SATL1: variants seen among roughly 807,000 people sequenced by gnomAD.
SATL1 encodes spermidine/spermine N1-acetyl transferase like 1.
SATL1 carries 47 observed loss-of-function variants against 51.8 expected under a neutral mutation model. The ratio of observed to expected loss-of-function variants is 0.91; its 90% CI spans 0.72 to 1.16. SATL1 has a LOEUF of 1.16. Ranked by LOEUF, SATL1 falls within the 50% of genes most tolerant of loss-of-function variation. SATL1 has a pLI of 0.00. For missense variants in SATL1, 520 were observed against 526.4 expected (o/e 0.99, Z 0.12); for synonymous variants, 176 against 182.4 (o/e 0.97, Z 0.28).
intron 3 of SATL1, among the ~76,000 whole-genome samples, chrX:85,106,080 T>A (rs1925032573): frequency 8.9e-6 from 1 of 111,935 alleles, no homozygotes; most frequent in African/African-American, 3.2e-5. Context: ...GGTAAAGAGA[T>A]TAATTGTCAT....
At chrX:85,183,488 T>A (rs1756916033) in intron 2 of SATL1, among the ~76,000 whole-genome samples, 1 of 111,519 alleles carries the variant, frequency 9.0e-6, no homozygotes, top group Admixed American at 9.5e-5. Context: ...GTAGTATATT[T>A]TGAATTTGGT....
chrX:85,108,119 A>G lies in SATL1; in HGVS notation c.850T>C (p.Tyr284His). 1.7e-6 allele frequency: 2 copies of G among 1,211,226 alleles called. No homozygotes were observed. Among genetic ancestry groups the G allele is most frequent in the East Asian group, 3.0e-5 (1 of 33,777 alleles). ...TTCATGTCCACTTGGTTCATTTCAT[A>G]TAGGCTTGCACTCCATTGGTTCATG... ...MDMNQWSASL[Y>H]EMNQVDMKQP... The change falls in exon 3 of 8, where the codon TAT (tyrosine) becomes CAT (histidine). Residue 284 changes from tyrosine to histidine, a missense_variant. Transcript: ENST00000644105.
chrX:85,094,199 T>A lies in SATL1; in HGVS notation c.1805A>T (p.Tyr602Phe), dbSNP rs1003502140. The change falls in exon 6 of 8, where the codon TAC becomes TTC. Residue 602 changes from tyrosine (Y) to phenylalanine (F), a missense_variant. Tyr to Phe is a conservative substitution (Grantham distance 22). Transcript: ENST00000644105. Reference protein sequence around the residue: ...GKLTVGFAMYYFTYDSWTGKV... With the variant: ...GKLTVGFAMYFFTYDSWTGKV... The stretch of plus-strand genomic sequence containing the variant: ...GCCAGTCCATGAGTCGTATGTAAAG[T>A]AGTACATGGCAAATCCAACAGTCAG... 7 of 1,185,890 alleles carry A rather than the reference T, an allele frequency of 5.9e-6. No individual in the cohort carries two copies. The Admixed American group carries it at 1.5e-4, about 26-fold the overall frequency.
chrX:85,106,082 A>C (rs1379114246), intron 3 of SATL1, among the ~76,000 whole-genome samples: 3 of 112,077 alleles, frequency 2.7e-5, no homozygotes, highest in Admixed American at 9.5e-5. Flanking sequence ...TAAAGAGATT[A>C]ATTGTCATTC....
chrX:85,214,462 A>T (rs1927995431), intron 2 of SATL1, among the ~76,000 whole-genome samples: 1 of 111,694 alleles, frequency 9.0e-6, no homozygotes, highest in South Asian at 3.9e-4. Context: ...TCACATTTCA[A>T]CATGAGATTT....
At chrX:85,162,523 C>A (rs922307895) in intron 2 of SATL1, among the ~76,000 whole-genome samples, 3 of 110,982 alleles carry the variant, frequency 2.7e-5, no homozygotes, top group African/African-American at 9.8e-5. Flanking sequence ...ATTTGGGTGC[C>A]CTTTATTTCT....
intron 2 of SATL1, among the ~76,000 whole-genome samples, chrX:85,162,702 G>C (rs1386490305): frequency 9.0e-6 from 1 of 111,339 alleles, no homozygotes; most frequent in Admixed American, 9.6e-5. Context: ...TTATTACCTT[G>C]AGGTCTGTTC....
At chrX:85,242,937 A>C (rs1359428712) in intron 1 of SATL1, among the ~76,000 whole-genome samples, 2 of 112,015 alleles carry the variant, frequency 1.8e-5, no homozygotes, top group African/African-American at 6.5e-5. Flanking sequence ...CCCTCAAAAA[A>C]TATTTTGCTT....
At chrX:85,118,485 G>A (rs745752401) in intron 2 of SATL1, 19 of 110,018 alleles carry the variant, frequency 1.7e-4, no homozygotes, top group African/African-American at 6.2e-4. Context: ...CTTGTTACCT[G>A]GGATGGAAAC....
intron 2 of SATL1, among the ~76,000 whole-genome samples, chrX:85,116,666 T>G (rs1033233238): frequency 6.3e-5 from 7 of 111,390 alleles, no homozygotes; most frequent in Non-Finnish European, 1.1e-4. Flanking sequence ...AGAGACAGTA[T>G]TTCAGAGAAA....
At chrX:85,213,957 G>C (rs1252011132) in intron 2 of SATL1, among the ~76,000 whole-genome samples, 1 of 111,299 alleles carries the variant, frequency 9.0e-6, no homozygotes, top group Non-Finnish European at 1.9e-5. Flanking sequence ...TGAGAATATA[G>C]AGGGGAAGCT....
chrX:85,212,898 G>A (rs1476826100), intron 2 of SATL1: 1 of 111,257 alleles, frequency 9.0e-6, no homozygotes, highest in Non-Finnish European at 1.9e-5. Context: ...TAAATACTAA[G>A]ACCTCACTAT....
At chrX:85,107,252 A>C in intron 3 of SATL1, 76 bp downstream of exon 3, 55 of 872,050 alleles carry the variant, frequency 6.3e-5, no homozygotes, top group Non-Finnish European at 8.2e-5. Context: ...CAGAATTCGA[A>C]CCCCAACTAT....
intron 2 of SATL1, among the ~76,000 whole-genome samples, chrX:85,197,621 A>C (rs1211088087): frequency 9.2e-6 from 1 of 108,289 alleles, no homozygotes; most frequent in African/African-American, 3.4e-5. Flanking sequence ...AGCATTAGGT[A>C]CATCTCCTAA....
At position 85,213,321 on chromosome X, in the gene SATL1, A is replaced by G. The variant is rs1005334372; in HGVS notation, c.-313+10884T>C. On this transcript the variant is annotated intron_variant, in intron 2 of 7. Coordinates refer to ENST00000644105, the MANE Select transcript of SATL1 (RefSeq NM_001367857.2). ...TACATTGCTCAAGGTAATGTTGAAC[A>G]CTAGCTAATTACTGATCACTAGCTA... 2.6e-4 allele frequency among the ~76,000 whole-genome samples: 29 copies of G among 112,211 alleles called. 1 individual carries two copies. The highest frequency in any genetic ancestry group is 8.7e-4 in the African/African-American group (27 of 30,925).
chrX:85,158,998 GTAT>G (rs1312398200), intron 2 of SATL1, among the ~76,000 whole-genome samples: 1 of 111,285 alleles, frequency 9.0e-6, no homozygotes, highest in African/African-American at 3.3e-5. Flanking sequence ...ATACCTGAGA[GTAT>G]TATTATAACT....
At chrX:85,205,477 T>C (rs1380582096) in intron 2 of SATL1, among the ~76,000 whole-genome samples, 2 of 111,226 alleles carry the variant, frequency 1.8e-5, no homozygotes, top group Non-Finnish European at 3.8e-5. Context: ...GACTTGGGAG[T>C]GGATAACATT....
chrX:85,232,559 C>T (rs931335322), intron 1 of SATL1, among the ~76,000 whole-genome samples: 2 of 111,354 alleles, frequency 1.8e-5, no homozygotes, highest in African/African-American at 6.5e-5. Flanking sequence ...GAGAAAAGCC[C>T]ACTATCCTGT....
intron 2 of SATL1, among the ~76,000 whole-genome samples, chrX:85,114,187 G>A (rs1055210329): frequency 2.7e-5 from 3 of 111,805 alleles, no homozygotes; most frequent in African/African-American, 9.7e-5. Flanking sequence ...AAATTACTGA[G>A]AAACCAGGTA....
Sources: allele counts gnomAD v4.1 joint callset (sites outside exome capture counted in the v4.1 genomes callset), GRCh38; gene constraint gnomAD v4.1.1; transcripts MANE v1.5; gene names NCBI Gene and HGNC (gene_info 2026-07-23, HGNC 2026-07-21).